Variants in SNX29 observed in about 807,000 individuals in gnomAD.
SNX29 encodes the protein sorting nexin-29.
In SNX29, 78 loss-of-function variants were observed where a neutral mutation model predicts 102.1. The observed-to-expected ratio is 0.76, with a 90% CI of 0.64 to 0.92. The LOEUF (loss-of-function observed/expected upper bound fraction) is 0.92. SNX29 is among the 40% of genes least tolerant of loss of function. The pLI, the probability that SNX29 is intolerant of heterozygous loss-of-function variation, is 0.00. For synonymous variants in SNX29, 580 were observed against 414.5 expected (o/e 1.40, Z -4.85); for missense variants, 1,280 against 1,061.7 (o/e 1.21, Z -2.86).
intron 13 of SNX29, among the ~76,000 whole-genome samples, chr16:12,182,421 T>A (rs995591697): frequency 3.3e-5 from 5 of 152,090 alleles, no homozygotes; most frequent in African/African-American, 1.2e-4. Flanking sequence ...GGATTAGAGC[T>A]CATTTTGCTT....
intron 13 of SNX29, among the ~76,000 whole-genome samples, chr16:12,155,061 C>A (rs11644861): frequency 6.6e-6 from 1 of 152,018 alleles, no homozygotes; most frequent in Admixed American, 6.5e-5. Flanking sequence ...CTCCCACCCC[C>A]CTTGCCCTTC....
intron 14 of SNX29, among the ~76,000 whole-genome samples, chr16:12,276,235 A>C (rs1014104183): frequency 6.6e-6 from 1 of 152,128 alleles, no homozygotes; most frequent in African/African-American, 2.4e-5. Context: ...ATGTGAGTGT[A>C]AATTACTGTG....
intron 13 of SNX29, among the ~76,000 whole-genome samples, chr16:12,176,480 TA>T (rs2076263668): frequency 6.6e-6 from 1 of 152,148 alleles, no homozygotes; most frequent in South Asian, 2.1e-4. Flanking sequence ...AGATTGAAAA[TA>T]TTCAGGAAGA....
intron 15 of SNX29, among the ~76,000 whole-genome samples, chr16:12,324,725 C>T (rs115087917): frequency 0.024 from 3,657 of 152,174 alleles, 87 homozygotes; most frequent in Non-Finnish European, 0.038. Flanking sequence ...TCTCCTAGTC[C>T]CTTTGATGAT....
At chr16:12,403,252 GTGT>G (rs1567527997) in intron 17 of SNX29, among the ~76,000 whole-genome samples, 193 bp from the exon 18 acceptor site, 8,079 of 135,912 alleles carry the variant, frequency 0.059, 329 homozygotes, top group African/African-American at 0.09. Flanking sequence ...GTGTGTGTGT[GTGT>G]AGAGAGAGAC....
intron 15 of SNX29, among the ~76,000 whole-genome samples, chr16:12,289,138 C>G (rs1213309021): frequency 6.6e-6 from 1 of 152,238 alleles, no homozygotes; most frequent in Non-Finnish European, 1.5e-5. Flanking sequence ...GATGTGAGCA[C>G]TTACTGGGTA....
chr16:12,459,316 C>G (rs1240260238), intron 18 of SNX29, among the ~76,000 whole-genome samples: 7 of 151,920 alleles, frequency 4.6e-5, no homozygotes, highest in African/African-American at 1.7e-4. Flanking sequence ...TCAGCTCTCT[C>G]CCTGTCATAC....
intron 18 of SNX29, among the ~76,000 whole-genome samples, chr16:12,436,143 A>G (rs2085528212): frequency 6.6e-6 from 1 of 152,052 alleles, no homozygotes; most frequent in African/African-American, 2.4e-5. Context: ...TCCAAAGGGG[A>G]TTAAAGCTCT....
chr16:12,466,401 TTA>T (rs1334069781), intron 18 of SNX29, among the ~76,000 whole-genome samples: 1 of 152,164 alleles, frequency 6.6e-6, no homozygotes, highest in Non-Finnish European at 1.5e-5. Context: ...AAAGTCCCAT[TTA>T]TAATAACATC....
intron 15 of SNX29, among the ~76,000 whole-genome samples, chr16:12,299,849 C>G (rs1007394896): frequency 6.8e-6 from 1 of 146,540 alleles, no homozygotes; most frequent in African/African-American, 2.5e-5. Context: ...CACTAGAAAT[C>G]TCTTAATGGC....
chr16:11,997,080 A>T (rs1365756564), intron 1 of SNX29, among the ~76,000 whole-genome samples: 1 of 152,110 alleles, frequency 6.6e-6, no homozygotes, highest in Non-Finnish European at 1.5e-5. Context: ...ACCAATTAGT[A>T]TTCAAATTTC....
At chr16:12,530,981 C>A (rs907068883) in intron 20 of SNX29, among the ~76,000 whole-genome samples, 1 of 152,212 alleles carries the variant, frequency 6.6e-6, no homozygotes, top group South Asian at 2.1e-4. Flanking sequence ...CCAGATTTTT[C>A]TCCCCCAGAC....
At chr16:12,198,798 C>T (rs2076842556) in intron 13 of SNX29, among the ~76,000 whole-genome samples, 2 of 152,212 alleles carry the variant, frequency 1.3e-5, no homozygotes, top group Admixed American at 6.5e-5. Flanking sequence ...GGCTATTGTG[C>T]ATTTTTCTAC....
rs184317488 is a variant in SNX29, at chr16:12,097,818, G to C, written c.1402+18903G>C. 4.2e-3 allele frequency among the ~76,000 whole-genome samples: 644 copies of C among 152,352 alleles called. 3 individuals carry two copies. The highest frequency in any genetic ancestry group is 0.034 in the Middle Eastern group (10 of 294). Reference sequence around the variant, plus strand: ...GGATGAGACGCGGTCAGACTTGTTTGAAATGTCAGCTTTGTTTGAGCTGGG... The same window carrying C: ...GGATGAGACGCGGTCAGACTTGTTTCAAATGTCAGCTTTGTTTGAGCTGGG... On this transcript the variant is annotated intron_variant, in intron 11 of 20. Coordinates refer to ENST00000566228, the MANE Select transcript of SNX29 (RefSeq NM_032167.5).
At chr16:12,060,951 G>C (rs1359325505) in intron 8 of SNX29, 4 of 441,846 alleles carry the variant, frequency 9.1e-6, no homozygotes. Context: ...TTACCCACGA[G>C]GGGCTCAGAT....
chr16:12,362,469 A>G (rs987718133), intron 16 of SNX29, among the ~76,000 whole-genome samples: 3 of 150,938 alleles, frequency 2.0e-5, no homozygotes, highest in African/African-American at 7.3e-5. Flanking sequence ...TGTAGTTCCA[A>G]CAACGCGTTG....
At chr16:12,424,474 C>G (rs572260065) in intron 18 of SNX29, among the ~76,000 whole-genome samples, 2 of 152,082 alleles carry the variant, frequency 1.3e-5, no homozygotes, top group African/African-American at 4.8e-5. Flanking sequence ...CTTCCTTGGG[C>G]GACTAGAACC....
chr16:12,225,219 T>C (rs1211401725), intron 14 of SNX29, among the ~76,000 whole-genome samples: 1 of 152,228 alleles, frequency 6.6e-6, no homozygotes, highest in Non-Finnish European at 1.5e-5. Context: ...TTAATGTATC[T>C]ACCTTTAAGG....
intron 3 of SNX29, among the ~76,000 whole-genome samples, chr16:12,021,743 A>G (rs1226609730): frequency 6.6e-6 from 1 of 151,860 alleles, no homozygotes; most frequent in Non-Finnish European, 1.5e-5. Flanking sequence ...CACACAAAAA[A>G]TGGCCGGACG....
Sources: allele counts gnomAD v4.1 joint callset (sites outside exome capture counted in the v4.1 genomes callset), GRCh38; gene constraint gnomAD v4.1.1; transcripts MANE v1.5; gene names NCBI Gene and HGNC (gene_info 2026-07-23, HGNC 2026-07-21).